The following PDLIM5 variants were observed in gnomAD, a reference collection of about 807,000 sequenced individuals.
The protein encoded by PDLIM5 is PDZ and LIM domain 5, also known as PDZ and LIM domain protein 5.
A neutral mutation model predicts 64.2 loss-of-function variants in PDLIM5; 34 were observed. The observed-to-expected ratio is 0.53, with a 90% CI of 0.40 to 0.71. PDLIM5 has a LOEUF of 0.71. Among genes scored for constraint, PDLIM5 ranks in the 30% least tolerant of loss-of-function variants. PDLIM5 has a pLI of 0.00. For missense variants in PDLIM5, 683 were observed against 733.6 expected (o/e 0.93, Z 0.80); for synonymous variants, 253 against 269.1 (o/e 0.94, Z 0.59).
At chr4:94,494,006 C>A (rs928934485) in intron 2 of PDLIM5, among the ~76,000 whole-genome samples, 2 of 152,152 alleles carry the variant, frequency 1.3e-5, no homozygotes, top group African/African-American at 2.4e-5. Flanking sequence ...GTCACCCAGG[C>A]TGGAGTGCAG....
chr4:94,508,481 A>T (rs1276957107), intron 2 of PDLIM5, among the ~76,000 whole-genome samples: 1 of 152,160 alleles, frequency 6.6e-6, no homozygotes, highest in East Asian at 1.9e-4. Flanking sequence ...TGGTTTTGAA[A>T]GGCTACAGCT....
chr4:94,626,007 A>G (rs1427241663), intron 8 of PDLIM5, among the ~76,000 whole-genome samples: 1 of 152,226 alleles, frequency 6.6e-6, no homozygotes, highest in Admixed American at 6.5e-5. Flanking sequence ...AAGAAGCATG[A>G]TACAAGTAAG....
intron 7 of PDLIM5, among the ~76,000 whole-genome samples, chr4:94,607,191 T>C (rs1737999066): frequency 6.6e-6 from 1 of 152,256 alleles, no homozygotes; most frequent in Middle Eastern, 3.4e-3. Flanking sequence ...GAATATAACC[T>C]CTCCTTTCCT....
intron 3 of PDLIM5, among the ~76,000 whole-genome samples, chr4:94,547,498 T>A (rs904359098): frequency 2.0e-5 from 3 of 152,208 alleles, no homozygotes; most frequent in Admixed American, 6.5e-5. Context: ...GCCCACTGGA[T>A]AATCTAGGAT....
intron 2 of PDLIM5, among the ~76,000 whole-genome samples, chr4:94,512,703 G>A (rs936912393): frequency 2.6e-5 from 4 of 151,824 alleles, no homozygotes; most frequent in African/African-American, 9.7e-5. Flanking sequence ...TTTGTTGATG[G>A]TTTTCTTTGT....
intron 7 of PDLIM5, among the ~76,000 whole-genome samples, chr4:94,589,732 C>CTTTTCT (rs1196580123): frequency 6.7e-6 from 1 of 148,544 alleles, no homozygotes; most frequent in African/African-American, 2.5e-5. Flanking sequence ...CTCTTTCTTT[C>CTTTTCT]TTTCTTTTCT....
intron 4 of PDLIM5, among the ~76,000 whole-genome samples, chr4:94,575,358 C>T (rs753652219): frequency 4.6e-5 from 7 of 151,954 alleles, no homozygotes; most frequent in South Asian, 2.1e-4. Flanking sequence ...GCTGTATTTC[C>T]GAAATATTTT....
At chr4:94,577,581 C>CTTTTTTTTTTTTTT (rs11349007) in intron 5 of PDLIM5, among the ~76,000 whole-genome samples, 31 of 106,796 alleles carry the variant, frequency 2.9e-4, no homozygotes, top group Non-Finnish European at 3.4e-4. Context: ...TGGTCGTAAT[C>CTTTTTTTTTTTTTT]TTTTTTTTTT....
At chr4:94,610,338 A>T in intron 7 of PDLIM5, 1 of 1,392,482 alleles carries the variant, frequency 7.2e-7, no homozygotes, top group East Asian at 2.7e-5. Context: ...GTCTGATGTG[A>T]TCTCAGCGCT....
intron 7 of PDLIM5, chr4:94,611,089 A>G (rs1738326552): frequency 6.5e-7 from 1 of 1,534,864 alleles, no homozygotes; most frequent in Non-Finnish European, 8.7e-7. Flanking sequence ...CCTGAAAGAT[A>G]TCACTCACTC....
At chr4:94,573,670 CTT>C (rs1259152280) in intron 4 of PDLIM5, 1 of 414,706 alleles carries the variant, frequency 2.4e-6, no homozygotes, top group Non-Finnish European at 4.3e-6. Flanking sequence ...ATGAGCCCAT[CTT>C]TATCCAAATC....
chr4:94,612,106 T>TG (rs1278557709), intron 7 of PDLIM5, among the ~76,000 whole-genome samples: 1 of 152,054 alleles, frequency 6.6e-6, no homozygotes, highest in Admixed American at 6.5e-5. Flanking sequence ...TAATCCCAGC[T>TG]ACTCAGGAGG....
intron 2 of PDLIM5, among the ~76,000 whole-genome samples, chr4:94,470,211 A>G (rs528656012): frequency 0.012 from 1,800 of 152,122 alleles, 41 homozygotes; most frequent in African/African-American, 0.041. Context: ...TGATCCGCCT[A>G]GCTCGGCCTC....
In PDLIM5 at chr4:94,665,445, C is replaced by T; in HGVS notation, c.*1378C>T. ...GCAGTGAGCTGAGATCACACCACTG[C>T]ACTCCAGCCTGGTGACAGAGCAAGA... On this transcript the variant is annotated 3_prime_UTR_variant, in exon 13 of 13. Transcript: ENST00000317968. The T allele has an allele frequency of 1.5e-6, 1 of 661,444 alleles. No individual in the cohort carries two copies. The highest frequency in any genetic ancestry group is 1.8e-6 in the Non-Finnish European group (1 of 543,766). 41.0% of individuals were successfully genotyped at this position (661,444 alleles called of 1,614,324 possible).
chr4:94,583,635 C>T (rs1735923216), intron 5 of PDLIM5, among the ~76,000 whole-genome samples: 1 of 151,964 alleles, frequency 6.6e-6, no homozygotes, highest in South Asian at 2.1e-4. Flanking sequence ...AGGTTTTGTT[C>T]AATATTAGTG....
chr4:94,507,195 C>T (rs1728467897), intron 2 of PDLIM5, among the ~76,000 whole-genome samples: 1 of 151,766 alleles, frequency 6.6e-6, no homozygotes, highest in African/African-American at 2.4e-5. Flanking sequence ...ATCATGTGAG[C>T]CAATTCTCCC....
At chr4:94,587,140 T>C in intron 7 of PDLIM5, 1 of 1,540,978 alleles carries the variant, frequency 6.5e-7, no homozygotes, top group Non-Finnish European at 8.7e-7. Context: ...CTTTTTTTTT[T>C]TCAACTTCAT....
chr4:94,630,099 A>G (rs924109286), intron 8 of PDLIM5, among the ~76,000 whole-genome samples: 10 of 152,174 alleles, frequency 6.6e-5, no homozygotes, highest in Admixed American at 2.0e-4. Context: ...ACTGCTACCC[A>G]ATTTAGTATG....
At chr4:94,638,160 GA>G (rs980998439) in intron 8 of PDLIM5, among the ~76,000 whole-genome samples, 4 of 152,156 alleles carry the variant, frequency 2.6e-5, no homozygotes, top group Non-Finnish European at 5.9e-5. Context: ...ACGTCCTGGA[GA>G]AAACATATTT....
Sources: gnomAD v4.1 joint callset for allele counts (sites outside exome capture counted in the v4.1 genomes callset) on GRCh38, gnomAD v4.1.1 for gene constraint, MANE v1.5 for transcripts, NCBI Gene and HGNC (gene_info 2026-07-23, HGNC 2026-07-21) for gene names.